Variants in FBXL17 observed in about 807,000 individuals in gnomAD.
FBXL17 encodes F-box/LRR-repeat protein 17.
Under a neutral mutation model 66.2 loss-of-function variants are expected in FBXL17, and 22 were observed. The ratio of observed to expected loss-of-function variants is 0.33; its 90% CI spans 0.24 to 0.47. The LOEUF (loss-of-function observed/expected upper bound fraction) is 0.47. FBXL17 is among the 20% of genes least tolerant of loss of function. The probability of loss-of-function intolerance (pLI) is 1.00; values close to 1 mark genes in which losing one functional copy is unlikely to be tolerated. For synonymous variants in FBXL17, 474 were observed against 400.5 expected (o/e 1.18, Z -2.19); for missense variants, 878 against 948.2 (o/e 0.93, Z 0.97).
At chr5:108,249,368 C>A (rs916327017) in intron 4 of FBXL17, among the ~76,000 whole-genome samples, 5 of 152,148 alleles carry the variant, frequency 3.3e-5, no homozygotes, top group African/African-American at 1.2e-4. Context: ...TATTTTTAAA[C>A]ATGAGAGGAA....
intron 4 of FBXL17, among the ~76,000 whole-genome samples, chr5:108,319,934 G>T (rs188532485): frequency 6.6e-6 from 1 of 151,594 alleles, no homozygotes; most frequent in Non-Finnish European, 1.5e-5. Context: ...CTAGGGTCCC[G>T]AAATGACTAC....
intron 4 of FBXL17, among the ~76,000 whole-genome samples, chr5:108,294,292 A>AAT (rs1314202083): frequency 2.1e-5 from 3 of 145,864 alleles, no homozygotes; most frequent in Admixed American, 6.9e-5. Context: ...GAAAAAAAAA[A>AAT]ATATATATAT....
chr5:108,262,075 TTTA>T (rs1173129323), intron 4 of FBXL17, among the ~76,000 whole-genome samples: 3 of 105,182 alleles, frequency 2.9e-5, no homozygotes, highest in African/African-American at 1.3e-4. Flanking sequence ...TATTTATTTA[TTTA>T]TTTATTTATT....
chr5:108,381,798 C>T lies in FBXL17; in HGVS notation c.-107G>A, dbSNP rs1749977279. The T allele has an allele frequency of 1.5e-6, 2 of 1,353,284 alleles. No homozygotes were observed. Among genetic ancestry groups the T allele is most frequent in the South Asian group, 1.7e-5 (1 of 57,998 alleles). The allele number at this position is 1,353,284 out of a possible 1,614,324, so 83.8% of individuals were successfully genotyped here. ...TCGCTGGCTCGGCCCCCGGAGGGGTCGCCCTTCCTGCGCACACACACGCAC... is the reference window on the plus strand; with the variant it reads ...TCGCTGGCTCGGCCCCCGGAGGGGTTGCCCTTCCTGCGCACACACACGCAC... On this transcript the variant is annotated 5_prime_UTR_variant, in exon 1 of 9. Transcript: ENST00000542267.
At chr5:107,938,883 T>C (rs1485909027) in intron 7 of FBXL17, among the ~76,000 whole-genome samples, 3 of 152,142 alleles carry the variant, frequency 2.0e-5, no homozygotes, top group African/African-American at 7.2e-5. Context: ...AAAACAATTA[T>C]TTTAAAATGC....
Position 108,348,426 on chromosome 5 carries a change from T to C in FBXL17, c.1479A>G (p.Gln493=), listed in dbSNP as rs1446575036. Residue 493 remains glutamine (Q), a synonymous_variant, in exon 4 of 9, where the codon CAA becomes CAG. Transcript: ENST00000542267. The part of the protein sequence containing the change: ...IVIAKGCLKL[Q]RIYMQENKLV... Reference sequence around the variant, plus strand: ...ATTTGTTTTCCTGCATGTATATCCTTTGTAATTTCAGACAGCCCTTAGCTA... The same window carrying C: ...ATTTGTTTTCCTGCATGTATATCCTCTGTAATTTCAGACAGCCCTTAGCTA... The C allele has an allele frequency of 2.7e-5, 43 of 1,613,436 alleles. No homozygotes were observed. The highest frequency in any genetic ancestry group is 3.5e-5 in the Non-Finnish European group (41 of 1,179,628).
At chr5:108,369,834 A>G (rs1332341904) in intron 1 of FBXL17, among the ~76,000 whole-genome samples, 1 of 152,230 alleles carries the variant, frequency 6.6e-6, no homozygotes, top group Non-Finnish European at 1.5e-5. Context: ...AATATAAAAG[A>G]TATTAATTTA....
chr5:108,189,979 G>A (rs980578457), intron 5 of FBXL17, among the ~76,000 whole-genome samples: 8 of 152,184 alleles, frequency 5.3e-5, no homozygotes, highest in African/African-American at 1.9e-4. Flanking sequence ...GATCTTGATT[G>A]CCTTGTGAAA....
rs62361078 is a variant in FBXL17 at position 107,905,933 on chromosome 5, A to G, written c.1823-24754T>C. ...TATGCCTCTGGGCAACATTTCTTAG[A>G]ATGAAGTATGGGACTGTAGTCAAAC... On this transcript the variant is annotated intron_variant, in intron 7 of 8. Transcript: ENST00000542267. Among the ~76,000 whole-genome samples, 202 of 152,322 alleles carry G rather than the reference A, an allele frequency of 1.3e-3. 1 individual carries two copies. The highest frequency in any genetic ancestry group is 1.6e-3 in the Non-Finnish European group (109 of 68,030).
chr5:108,283,613 T>C (rs1246621294), intron 4 of FBXL17, among the ~76,000 whole-genome samples: 3 of 151,906 alleles, frequency 2.0e-5, no homozygotes. Flanking sequence ...CTTCTGGACA[T>C]TGATCTAGGC....
chr5:108,014,147 A>G (rs1754290214), intron 7 of FBXL17, among the ~76,000 whole-genome samples: 1 of 152,158 alleles, frequency 6.6e-6, no homozygotes, highest in African/African-American at 2.4e-5. Context: ...ATTTGGGACT[A>G]ATTTCCTATA....
At chr5:107,898,415 T>TAA (rs1287343132) in intron 7 of FBXL17, among the ~76,000 whole-genome samples, 1 of 152,166 alleles carries the variant, frequency 6.6e-6, no homozygotes, top group African/African-American at 2.4e-5. Flanking sequence ...AATGTGAAGA[T>TAA]GATTAGAATG....
At position 108,381,179 on chromosome 5, in the gene FBXL17, C is replaced by T; in HGVS notation, c.513G>A (p.Gly171=). The change falls in exon 1 of 9, where the codon GGG becomes GGA. Residue 171 remains glycine, a synonymous_variant. Transcript: ENST00000542267. ...GGAAGAGCTGCACGGCGGCGGGCGG[C>T]CCCAGGAAGCGCACCGGCCCCAAGC... is the stretch of plus-strand genomic sequence containing the variant. ...LASLGPVRFL[G]PPAAVQLFRG... 2.8e-6 allele frequency: 4 copies of T among 1,432,626 alleles called. No individual in the cohort carries two copies. Among genetic ancestry groups the T allele is most frequent in the Non-Finnish European group, 3.7e-6 (4 of 1,095,048 alleles). The allele number at this position is 1,432,626 out of a possible 1,614,324, so 88.7% of individuals were successfully genotyped here.
At chr5:108,305,975 T>C (rs1337945154) in intron 4 of FBXL17, among the ~76,000 whole-genome samples, 1 of 152,102 alleles carries the variant, frequency 6.6e-6, no homozygotes, top group Non-Finnish European at 1.5e-5. Flanking sequence ...AACCCATTAG[T>C]AGAGTCAGAT....
chr5:107,889,283 G>A (rs184238092), intron 7 of FBXL17, among the ~76,000 whole-genome samples: 3 of 152,240 alleles, frequency 2.0e-5, no homozygotes, highest in Admixed American at 2.0e-4. Flanking sequence ...ATCTGAAGAC[G>A]TGAAACTTAA....
chr5:108,354,738 A>G (rs1002101794), intron 3 of FBXL17, among the ~76,000 whole-genome samples: 32 of 151,690 alleles, frequency 2.1e-4, no homozygotes, highest in African/African-American at 7.7e-4. Context: ...AAAAAAAAAA[A>G]GAAAAAAAAA....
intron 6 of FBXL17, among the ~76,000 whole-genome samples, chr5:108,133,364 A>G (rs1233021886): frequency 6.6e-6 from 1 of 152,278 alleles, no homozygotes; most frequent in East Asian, 1.9e-4. Flanking sequence ...ACTGTATTTA[A>G]ATATTCATAG....
At chr5:107,929,473 A>T (rs999474312) in intron 7 of FBXL17, among the ~76,000 whole-genome samples, 1 of 152,326 alleles carries the variant, frequency 6.6e-6, no homozygotes. Flanking sequence ...GATAGGATAT[A>T]TGTGTGTGCA....
chr5:108,126,563 A>G (rs1453575057), intron 6 of FBXL17, among the ~76,000 whole-genome samples: 5 of 151,494 alleles, frequency 3.3e-5, no homozygotes, highest in African/African-American at 1.2e-4. Context: ...GTTATTTTAT[A>G]TATGTGTGTA....
Sources: gnomAD v4.1 joint callset for allele counts (sites outside exome capture counted in the v4.1 genomes callset) on GRCh38, gnomAD v4.1.1 for gene constraint, MANE v1.5 for transcripts, NCBI Gene and HGNC (gene_info 2026-07-23, HGNC 2026-07-21) for gene names.